The following CLSTN2 variants were observed in gnomAD, a reference collection of about 807,000 sequenced individuals.
CLSTN2 encodes the protein calsyntenin-2.
In CLSTN2, 48 loss-of-function variants were observed where a neutral mutation model predicts 101.2. That is an observed-to-expected ratio of 0.47 (90% CI 0.38 to 0.60). The LOEUF is 0.60. CLSTN2 is among the 20% of genes least tolerant of loss of function. CLSTN2 has a pLI of 0.00. For synonymous variants in CLSTN2, 481 were observed against 463.6 expected, an observed-to-expected ratio of 1.04 and a Z score of -0.48; for missense variants, 1,160 against 1,238.2, an observed-to-expected ratio of 0.94 and a Z score of 0.95.
At chr3:140,316,587 G>A (rs1346294426) in intron 2 of CLSTN2, among the ~76,000 whole-genome samples, 1 of 152,040 alleles carries the variant, frequency 6.6e-6, no homozygotes, top group African/African-American at 2.4e-5. Context: ...TTAATCATCA[G>A]TTCATTCTGC....
At chr3:140,340,702 A>C (rs1297524622) in intron 2 of CLSTN2, among the ~76,000 whole-genome samples, 1 of 152,234 alleles carries the variant, frequency 6.6e-6, no homozygotes, top group Non-Finnish European at 1.5e-5. Flanking sequence ...TGATAGCTGT[A>C]GTCAGCACCT....
intron 5 of CLSTN2, among the ~76,000 whole-genome samples, chr3:140,424,982 C>T (rs987837571): frequency 1.6e-4 from 24 of 152,162 alleles, no homozygotes; most frequent in South Asian, 1.2e-3. Flanking sequence ...ATTTGCCAGA[C>T]GTAATTCCAC....
chr3:140,024,191 G>A (rs1487413183), intron 1 of CLSTN2, among the ~76,000 whole-genome samples: 1 of 152,166 alleles, frequency 6.6e-6, no homozygotes, highest in African/African-American at 2.4e-5. Flanking sequence ...CACTTCCTGA[G>A]GCATCTTTAG....
chr3:140,091,416 C>T lies in CLSTN2; in HGVS notation c.110-84535C>T, dbSNP rs570351483. Among the ~76,000 whole-genome samples the T allele has an allele frequency of 1.7e-4, 26 of 152,262 alleles. No homozygotes were observed. The East Asian group carries it at 1.7e-3, about 10-fold the overall frequency. On this transcript the variant is annotated intron_variant, in intron 1 of 16. Transcript: ENST00000458420. ...CAACAGACCACTGCTTTCAGGGAGC[C>T]GTGCCAGTGAGTAGCTGCCTTCCTT...
chr3:140,129,998 G>C (rs1052262403), intron 1 of CLSTN2, among the ~76,000 whole-genome samples: 2 of 152,182 alleles, frequency 1.3e-5, no homozygotes, highest in Non-Finnish European at 2.9e-5. Flanking sequence ...CACAAATTCT[G>C]TCTGCAGCAT....
intron 7 of CLSTN2, among the ~76,000 whole-genome samples, chr3:140,463,296 A>G (rs1356430370): frequency 6.6e-6 from 1 of 152,232 alleles, no homozygotes; most frequent in South Asian, 2.1e-4. Context: ...ATCAGTGGCT[A>G]CGTACAGTGC....
intron 1 of CLSTN2, among the ~76,000 whole-genome samples, chr3:139,996,978 C>T (rs7627845): frequency 0.3 from 44,566 of 147,854 alleles, 8,225 homozygotes; most frequent in South Asian, 0.42. Flanking sequence ...ACCCAGGAGG[C>T]GGAAGTTGCA....
At chr3:140,122,284 T>C (rs1010972994) in intron 1 of CLSTN2, among the ~76,000 whole-genome samples, 1 of 152,220 alleles carries the variant, frequency 6.6e-6, no homozygotes. Flanking sequence ...TATGAATCTA[T>C]TAACTGTGTG....
At chr3:140,022,035 G>GAA (rs113855083) in intron 1 of CLSTN2, among the ~76,000 whole-genome samples, 3 of 151,956 alleles carry the variant, frequency 2.0e-5, no homozygotes, top group African/African-American at 7.2e-5. Context: ...CTGTTTTGAT[G>GAA]AAAAAAAATG....
Position 140,321,912 on chromosome 3 carries a change from G to GTACAGGAT in CLSTN2, c.233-81717_233-81716insTACAGGAT, listed in dbSNP as rs374413220. 2.7e-3 allele frequency among the ~76,000 whole-genome samples: 408 copies of GTACAGGAT among 152,330 alleles called. 1 individual carries two copies. The highest frequency in any genetic ancestry group is 9.3e-3 in the African/African-American group (386 of 41,586). Reference sequence around the variant, plus strand: ...TAGGAAAGGAGGACTGAAGGCTGCAGCCTTGTGTAGTACAGGATCAGCACT... The same window carrying GTACAGGAT: ...TAGGAAAGGAGGACTGAAGGCTGCAGTACAGGATCCTTGTGTAGTACAGGATCAGCACT... On this transcript the variant is annotated intron_variant, in intron 2 of 16. Transcript: ENST00000458420.
chr3:140,489,865 C>T (rs556707997), intron 8 of CLSTN2, among the ~76,000 whole-genome samples: 34 of 151,078 alleles, frequency 2.3e-4, no homozygotes, highest in Non-Finnish European at 4.6e-4. Context: ...AATAGAAACG[C>T]TGAGTTTTGA....
At chr3:140,386,098 G>A (rs964965171) in intron 2 of CLSTN2, among the ~76,000 whole-genome samples, 3 of 152,092 alleles carry the variant, frequency 2.0e-5, no homozygotes, top group African/African-American at 7.2e-5. Flanking sequence ...CTTTCTTCAT[G>A]CCAGCATTAT....
At chr3:140,020,314 C>T (rs1444859644) in intron 1 of CLSTN2, among the ~76,000 whole-genome samples, 1 of 152,176 alleles carries the variant, frequency 6.6e-6, no homozygotes, top group Non-Finnish European at 1.5e-5. Context: ...AAGTGTGTTG[C>T]TTGTGCAAGA....
At chr3:139,938,919 C>T (rs992613442) in intron 1 of CLSTN2, among the ~76,000 whole-genome samples, 3 of 151,986 alleles carry the variant, frequency 2.0e-5, no homozygotes, top group African/African-American at 7.3e-5. Flanking sequence ...CCACCCTCCA[C>T]CCCTCCCACC....
chr3:140,557,940 A>G (rs1935831825), intron 11 of CLSTN2, among the ~76,000 whole-genome samples: 2 of 152,226 alleles, frequency 1.3e-5, no homozygotes, highest in Admixed American at 1.3e-4. Flanking sequence ...TCTGCATTTA[A>G]TCCTTTACTA....
rs72981893 is a variant in CLSTN2, at chr3:140,054,177, G to C, written c.109+118694G>C. ...AAGGCTTTCTGGAGGAGGTGAGCTT[G>C]AACTAGGACTTCAAGAATGGGTCAC... is the stretch of plus-strand genomic sequence containing the variant. On this transcript the variant is annotated intron_variant, in intron 1 of 16. Coordinates refer to ENST00000458420, the MANE Select transcript of CLSTN2 (RefSeq NM_022131.3). 6.2e-3 allele frequency among the ~76,000 whole-genome samples: 948 copies of C among 152,268 alleles called. 4 individuals carry two copies. Among genetic ancestry groups the C allele is most frequent in the African/African-American group, 0.022 (898 of 41,560 alleles).
chr3:139,951,979 C>G (rs993931658), intron 1 of CLSTN2, among the ~76,000 whole-genome samples: 1 of 151,954 alleles, frequency 6.6e-6, no homozygotes, highest in Non-Finnish European at 1.5e-5. Flanking sequence ...CTTTCTTTTT[C>G]CCCCTCCTCA....
chr3:140,179,620 CAAAAAAAAAAAAAAAAAAAAA>C (rs57433306), intron 2 of CLSTN2, among the ~76,000 whole-genome samples: 2 of 37,458 alleles, frequency 5.3e-5, no homozygotes, highest in African/African-American at 1.6e-4. Flanking sequence ...GACCCTATCT[CAAAAAAAAAAAAAAAAAAAAA>C]AAAAAAAAAA....
chr3:140,156,891 G>T (rs187184685), intron 1 of CLSTN2, among the ~76,000 whole-genome samples: 2 of 152,116 alleles, frequency 1.3e-5, no homozygotes, highest in African/African-American at 4.8e-5. Flanking sequence ...TAAAATCCTT[G>T]CATGTTTAAT....
Sources: allele counts gnomAD v4.1 joint callset (sites outside exome capture counted in the v4.1 genomes callset), GRCh38; gene constraint gnomAD v4.1.1; transcripts MANE v1.5; gene names NCBI Gene and HGNC (gene_info 2026-07-23, HGNC 2026-07-21).